SORCS2: variants seen among roughly 807,000 people sequenced by gnomAD.
SORCS2 encodes sortilin related VPS10 domain containing receptor 2.
In SORCS2, 100 loss-of-function variants were observed where a neutral mutation model predicts 141.6. That is an observed-to-expected ratio of 0.71 (90% CI 0.60 to 0.83). The LOEUF (loss-of-function observed/expected upper bound fraction) is 0.83. Among genes scored for constraint, SORCS2 ranks in the 40% least tolerant of loss-of-function variants. The pLI, the probability that SORCS2 is intolerant of heterozygous loss-of-function variation, is 0.00. For missense variants in SORCS2, 1,646 were observed against 1,560.2 expected (o/e 1.05, Z -0.93); for synonymous variants, 789 against 676.9 (o/e 1.17, Z -2.57).
At chr4:7,290,702 G>A (rs753766680) in intron 1 of SORCS2, among the ~76,000 whole-genome samples, 1 of 152,238 alleles carries the variant, frequency 6.6e-6, no homozygotes, top group Non-Finnish European at 1.5e-5. Context: ...ATGTGCGTGT[G>A]TGCGTGCAGA....
intron 3 of SORCS2, among the ~76,000 whole-genome samples, chr4:7,549,700 T>C (rs886381686): frequency 2.6e-5 from 4 of 152,236 alleles, no homozygotes; most frequent in African/African-American, 9.6e-5. Flanking sequence ...TCTTGTTCCT[T>C]TCTGCCTGCC....
intron 1 of SORCS2, among the ~76,000 whole-genome samples, chr4:7,336,532 A>ACGC (rs1448179213): frequency 1.1e-3 from 103 of 94,112 alleles, no homozygotes; most frequent in East Asian, 2.1e-3. Context: ...CCGTGCCCAG[A>ACGC]ACAGATGGAT....
intron 4 of SORCS2, among the ~76,000 whole-genome samples, chr4:7,647,244 C>T (rs1721140604): frequency 6.6e-6 from 1 of 152,198 alleles, no homozygotes; most frequent in Admixed American, 6.5e-5. Context: ...GCAAGACAGA[C>T]TCTCAACCTC....
rs1712150110 is a variant in SORCS2 at position 7,234,851 on chromosome 4, C to A, written c.480+41725C>A. ...GGCTGTGCCCCTCCAGGCAGCCTGT[C>A]CACGGCTGCTGCAGTTCAGGGGACA... is the stretch of plus-strand genomic sequence containing the variant. On this transcript the variant is annotated intron_variant, in intron 1 of 26. Coordinates refer to ENST00000507866, the MANE Select transcript of SORCS2 (RefSeq NM_020777.3). Among the ~76,000 whole-genome samples, 3 of 152,248 alleles carry A rather than the reference C, an allele frequency of 2.0e-5. No individual in the cohort carries two copies. In the South Asian group the frequency reaches 6.2e-4, roughly 31 times the overall value.
rs138767641 is a variant in SORCS2 at position 7,518,261 on chromosome 4, A to G, written c.549-13269A>G. On this transcript the variant is annotated intron_variant, in intron 2 of 26. Coordinates refer to ENST00000507866, the MANE Select transcript of SORCS2 (RefSeq NM_020777.3). ...GTGGATTGCTACGTTTCTATCTAAGATAGATTCCAGGTCACAGGGTGGGTT... is the reference window on the plus strand; with the variant it reads ...GTGGATTGCTACGTTTCTATCTAAGGTAGATTCCAGGTCACAGGGTGGGTT... 2.8e-3 allele frequency among the ~76,000 whole-genome samples: 429 copies of G among 152,302 alleles called. 2 individuals are homozygous for G. Among genetic ancestry groups the G allele is most frequent in the African/African-American group, 9.7e-3 (404 of 41,556 alleles).
chr4:7,461,980 A>G (rs1729342593), intron 2 of SORCS2, among the ~76,000 whole-genome samples: 1 of 152,222 alleles, frequency 6.6e-6, no homozygotes, highest in African/African-American at 2.4e-5. Flanking sequence ...CACAGCTGGC[A>G]TCTGAAAGGC....
chr4:7,348,859 T>G (rs1204814232), intron 1 of SORCS2, among the ~76,000 whole-genome samples: 1 of 152,210 alleles, frequency 6.6e-6, no homozygotes, highest in Non-Finnish European at 1.5e-5. Context: ...GGCCGAATCT[T>G]GTGTTTTTAA....
At chr4:7,334,369 A>G (rs1167552974) in intron 1 of SORCS2, among the ~76,000 whole-genome samples, 1 of 150,590 alleles carries the variant, frequency 6.6e-6, no homozygotes, top group African/African-American at 2.5e-5. Context: ...CCCCCTGGTC[A>G]GTCCTCTCAC....
At position 7,664,267 on chromosome 4, in the gene SORCS2, A is replaced by C. The variant is rs1391510974; in HGVS notation, c.953-86A>C. 23 of 1,047,030 alleles carry C rather than the reference A, an allele frequency of 2.2e-5. No homozygotes were observed. Among genetic ancestry groups the C allele is most frequent in the Non-Finnish European group, 3.1e-5 (22 of 705,208 alleles). The allele number at this position is 1,047,030 out of a possible 1,614,324, so 64.9% of individuals were successfully genotyped here. On this transcript the variant is annotated intron_variant, in intron 6 of 26. Transcript: ENST00000507866. The surrounding 1 kb of genome is among the most constrained non-coding windows in gnomAD (Gnocchi z 4.7). Reference sequence around the variant, plus strand: ...TGAAGCCACACCACAGCGGTATTGGAGGAAGATGGAGTCCAGCACATGTCT... The same window carrying C: ...TGAAGCCACACCACAGCGGTATTGGCGGAAGATGGAGTCCAGCACATGTCT...
At chr4:7,460,344 C>T (rs1362061677) in intron 2 of SORCS2, among the ~76,000 whole-genome samples, 4 of 152,258 alleles carry the variant, frequency 2.6e-5, no homozygotes, top group East Asian at 1.9e-4. Context: ...CAACCCCAGT[C>T]GGTGGCCAAC....
rs117380175 is a variant in SORCS2, at chr4:7,252,998, C to T, written c.480+59872C>T. 4.0e-3 allele frequency among the ~76,000 whole-genome samples: 614 copies of T among 152,372 alleles called. 5 individuals carry two copies. Among genetic ancestry groups the T allele is most frequent in the East Asian group, 0.021 (107 of 5,192 alleles). ...CCCAGCTCAGAGCCAGCATTTGGGA[C>T]AGAGGCCACAGCTTGGACCCCTGAC... On this transcript the variant is annotated intron_variant, in intron 1 of 26. Coordinates refer to ENST00000507866, the MANE Select transcript of SORCS2 (RefSeq NM_020777.3).
chr4:7,574,253 G>A (rs796599881), intron 3 of SORCS2, among the ~76,000 whole-genome samples: 1 of 152,192 alleles, frequency 6.6e-6, no homozygotes, highest in Non-Finnish European at 1.5e-5. Flanking sequence ...GTGCAGCGAG[G>A]GTGTGGTCCC....
At chr4:7,299,568 G>T (rs1717302867) in intron 1 of SORCS2, among the ~76,000 whole-genome samples, 1 of 152,166 alleles carries the variant, frequency 6.6e-6, no homozygotes, top group African/African-American at 2.4e-5. Context: ...TTAGATCCTG[G>T]GGCATTTTCT....
chr4:7,694,380 ACT>A (rs568707542), intron 11 of SORCS2, among the ~76,000 whole-genome samples: 40 of 151,726 alleles, frequency 2.6e-4, no homozygotes, highest in African/African-American at 9.7e-4. Context: ...AGGCCCTTCC[ACT>A]CTGACAGCCT....
intron 2 of SORCS2, among the ~76,000 whole-genome samples, chr4:7,514,178 A>T (rs1246495806): frequency 1.3e-5 from 2 of 152,162 alleles, no homozygotes; most frequent in African/African-American, 4.8e-5. Flanking sequence ...GCCACTCAGC[A>T]GGTCCAGACC....
chr4:7,465,251 G>A (rs368537020), intron 2 of SORCS2, among the ~76,000 whole-genome samples: 47 of 152,364 alleles, frequency 3.1e-4, no homozygotes, highest in African/African-American at 1.1e-3. Flanking sequence ...GGAGCTGCCA[G>A]GGCATGAATA....
At chr4:7,288,577 G>T (rs1716388588) in intron 1 of SORCS2, among the ~76,000 whole-genome samples, 1 of 127,796 alleles carries the variant, frequency 7.8e-6, no homozygotes, top group African/African-American at 2.9e-5. Context: ...GGGGAGAGGG[G>T]GTGGGAGGAG....
At chr4:7,369,717 A>C (rs6830538) in intron 1 of SORCS2, among the ~76,000 whole-genome samples, 1 of 152,062 alleles carries the variant, frequency 6.6e-6, no homozygotes, top group Non-Finnish European at 1.5e-5. Flanking sequence ...CCCCTCGCAC[A>C]TGCCTCTGGT....
chr4:7,726,893 C>T lies in SORCS2; in HGVS notation c.2859C>T (p.Leu953=). The T allele has an allele frequency of 6.2e-7, 1 of 1,613,362 alleles. No individual in the cohort carries two copies. Among genetic ancestry groups the T allele is most frequent in the Non-Finnish European group, 8.5e-7 (1 of 1,179,506 alleles). ...CGGTGCTGCAGGACTCCAGGGTCCT[C>T]CGTGTGCTGGGTAAGTACTTCCTGG... ...GNSVLQDSRV[L]RVLDQFQVMP... Residue 953 remains leucine, a synonymous_variant, in exon 21 of 27, where the codon CTC becomes CTT. Coordinates refer to ENST00000507866, the MANE Select transcript of SORCS2 (RefSeq NM_020777.3).
Sources: allele counts gnomAD v4.1 joint callset (sites outside exome capture counted in the v4.1 genomes callset), GRCh38; gene constraint gnomAD v4.1.1; non-coding constraint Gnocchi (gnomAD v3.1); transcripts MANE v1.5; gene names NCBI Gene and HGNC (gene_info 2026-07-23, HGNC 2026-07-21).